ITPR3: variants seen among roughly 807,000 people sequenced by gnomAD.
ITPR3 encodes inositol 1,4,5-trisphosphate receptor type 3.
Under a neutral mutation model 293.2 loss-of-function variants are expected in ITPR3, and 173 were observed. The ratio of observed to expected loss-of-function variants is 0.59; its 90% confidence interval spans 0.52 to 0.67. ITPR3 has a LOEUF of 0.67. ITPR3 is among the 30% of genes least tolerant of loss of function. The probability of loss-of-function intolerance (pLI) is 0.00; values close to 1 mark genes in which losing one functional copy is unlikely to be tolerated. For synonymous variants in ITPR3, 1,295 were observed against 1,444.4 expected (o/e 0.90, Z 2.35); for missense variants, 2,796 against 3,592.1 (o/e 0.78, Z 5.66).
Position 33,676,825 on chromosome 6 carries a change from C to T in ITPR3, c.3340C>T (p.Leu1114=), listed in dbSNP as rs1340362262. The part of the protein sequence containing the change: ...VENYKVIKSE[L]DRLRTMVEKS... ...GAACTACAAGGTGATCAAGTCGGAGCTGGACCGGCTGCGGACCATGGTGGA... is the reference window on the plus strand; with the variant it reads ...GAACTACAAGGTGATCAAGTCGGAGTTGGACCGGCTGCGGACCATGGTGGA... Residue 1114 remains leucine, a synonymous_variant, in exon 26 of 58, where the codon CTG becomes TTG. Transcript: ENST00000605930. 2 of 1,614,060 alleles carry T rather than the reference C, an allele frequency of 1.2e-6. No homozygotes were observed. The highest frequency in any genetic ancestry group is 1.3e-5 in the African/African-American group (1 of 74,938).
chr6:33,686,130 C>G lies in ITPR3; in HGVS notation c.5745C>G (p.Cys1915Trp), dbSNP rs529160686. 1 of 1,614,170 alleles carries G rather than the reference C, an allele frequency of 6.2e-7. No homozygotes were observed. Among genetic ancestry groups the G allele is most frequent in the Non-Finnish European group, 8.5e-7 (1 of 1,180,038 alleles). The stretch of plus-strand genomic sequence containing the variant: ...CGCTGCAGTTCCTGGACATCATGTG[C>G]GGCAGCACCACGGGCGGCCTGGGGC... ...CETLQFLDIM[C>W]GSTTGGLGLL... The change falls in exon 42 of 58, where the codon TGC becomes TGG. Residue 1915 changes from cysteine to tryptophan, a missense_variant. By Grantham distance (215) the Cys-to-Trp change is radical. Coordinates refer to ENST00000605930, the MANE Select transcript of ITPR3 (RefSeq NM_002224.4).
intron 2 of ITPR3, among the ~76,000 whole-genome samples, chr6:33,651,783 C>T (rs1408139990): frequency 6.6e-6 from 1 of 152,182 alleles, no homozygotes; most frequent in Non-Finnish European, 1.5e-5. Context: ...TAGTTGCTTT[C>T]TGTCACCATA....
Position 33,688,510 on chromosome 6 carries a change from C to T in ITPR3, c.6568+79C>T, listed in dbSNP as rs1739685079. 4 of 1,498,096 alleles carry T rather than the reference C, an allele frequency of 2.7e-6. No homozygotes were observed. The African/African-American group carries it at 4.1e-5, about 15-fold the overall frequency. 92.8% of individuals were successfully genotyped at this position (1,498,096 alleles called of 1,614,324 possible). A position where few individuals can be genotyped will look rare whatever the true frequency, so the allele number is the denominator to read the frequency against. On this transcript the variant is annotated intron_variant, in intron 48 of 57. Transcript: ENST00000605930. Reference sequence around the variant, plus strand: ...CTGTTATAACGGCCTCCTTTGCCTGCCTGTGGGTGCCCTGCGCCCAACCCC... The same window carrying T: ...CTGTTATAACGGCCTCCTTTGCCTGTCTGTGGGTGCCCTGCGCCCAACCCC...
rs1764869997 is a variant in ITPR3 at position 33,675,076 on chromosome 6, C to G, written c.3117-615C>G. Among the ~76,000 whole-genome samples the G allele has an allele frequency of 6.6e-6, 1 of 152,144 alleles. No individual in the cohort carries two copies. Among genetic ancestry groups the G allele is most frequent in the African/African-American group, 2.4e-5 (1 of 41,422 alleles). ...TTTTCTCCATCTCTGTTCATGGGCC[C>G]CGCTTCTATCCATGAATCCCCCGCA... On this transcript the variant is annotated intron_variant, in intron 24 of 57. Coordinates refer to ENST00000605930, the MANE Select transcript of ITPR3 (RefSeq NM_002224.4). The surrounding 1 kb of genome is among the most constrained non-coding windows in gnomAD (Gnocchi z 5.0).
At position 33,684,463 on chromosome 6, in the gene ITPR3, C is replaced by T. The variant is rs748669362; in HGVS notation, c.5044C>T (p.Arg1682Trp). 6 of 1,613,624 alleles carry T rather than the reference C, an allele frequency of 3.7e-6. No homozygotes were observed. The highest frequency in any genetic ancestry group is 1.1e-5 in the South Asian group (1 of 91,054). ...MLLKKTKYGD[R>W]GNQLRKMLLQ... ...GCTCAAGAAGACCAAGTACGGGGAC[C>T]GGGTGAGTGCCCTGGTGGGGCAAGT... The change falls in exon 37 of 58, where the codon CGG (arginine) becomes TGG (tryptophan). Residue 1682 changes from arginine to tryptophan, a missense_variant and splice_region_variant. By Grantham distance (101) the Arg-to-Trp change is moderately radical. This residue lies in a region of ITPR3 where 704 missense variants were observed against 797.5 expected (regional missense o/e 0.88). Transcript: ENST00000605930. The surrounding 1 kb of genome is among the most constrained non-coding windows in gnomAD (Gnocchi z 4.2).
In ITPR3 at chr6:33,694,957, G is replaced by T. The variant is rs1221371550; in HGVS notation, c.7819G>T (p.Ala2607Ser). The change falls in exon 57 of 58, where the codon GCC (alanine) becomes TCC (serine). Residue 2607 changes from alanine to serine, a missense_variant. This residue lies in a region of ITPR3 where 568 missense variants were observed against 796.1 expected (regional missense o/e 0.71). Transcript: ENST00000605930. ...KNLDWFPRMR[A>S]MSLVSNEGEG... is the part of the protein sequence containing the mutation. ...CCTGGACTGGTTCCCCCGGATGCGG[G>T]CCATGTCCCTTGTCAGCAATGAGGG... The T allele has an allele frequency of 6.2e-7, 1 of 1,614,158 alleles. No homozygotes were observed. Among genetic ancestry groups the T allele is most frequent in the Non-Finnish European group, 8.5e-7 (1 of 1,180,042 alleles).
At chr6:33,636,209 G>C (rs1473828628) in intron 1 of ITPR3, among the ~76,000 whole-genome samples, 1 of 151,766 alleles carries the variant, frequency 6.6e-6, no homozygotes, top group Non-Finnish European at 1.5e-5. Context: ...GGCTGAGGCA[G>C]GAGAATTGCT....
chr6:33,684,950 G>T lies in ITPR3; in HGVS notation c.5307+7G>T. The T allele has an allele frequency of 6.3e-7, 1 of 1,599,292 alleles. No homozygotes were observed. Among genetic ancestry groups the T allele is most frequent in the African/African-American group, 1.3e-5 (1 of 74,890 alleles). ...TGGCAACACAGAGATCCAGGTGTGG[G>T]GGGCCTGGGGCCTGGACATGCCCTC... On this transcript the variant is annotated splice_region_variant and intron_variant, in intron 39 of 57. Transcript: ENST00000605930. The surrounding 1 kb of genome is among the most constrained non-coding windows in gnomAD (Gnocchi z 4.2).
At position 33,658,965 on chromosome 6, in the gene ITPR3, G is replaced by C; in HGVS notation, c.529-56G>C. The C allele has an allele frequency of 6.2e-7, 1 of 1,602,376 alleles. No homozygotes were observed. Among genetic ancestry groups the C allele is most frequent in the Non-Finnish European group, 8.5e-7 (1 of 1,169,806 alleles). The stretch of plus-strand genomic sequence containing the variant: ...TGAGACCAAAGGGAGGCCTGGAGGC[G>C]TGGTGACAAGAGGGCCCTGCCCTTC... On this transcript the variant is annotated intron_variant, in intron 5 of 57. Coordinates refer to ENST00000605930, the MANE Select transcript of ITPR3 (RefSeq NM_002224.4). This position sits in a 1 kb window ranked among gnomAD's most constrained non-coding sequence, Gnocchi z 6.1.
chr6:33,650,481 A>G (rs1367536216), intron 2 of ITPR3, among the ~76,000 whole-genome samples: 1 of 152,184 alleles, frequency 6.6e-6, no homozygotes, highest in Non-Finnish European at 1.5e-5. Context: ...TCTCCCGGGG[A>G]TGCTTCAGGG....
chr6:33,668,356 T>C (rs981231520), intron 16 of ITPR3, among the ~76,000 whole-genome samples, 159 bp from the exon 17 acceptor site: 1 of 152,090 alleles, frequency 6.6e-6, no homozygotes, highest in African/African-American at 2.4e-5. Context: ...TTTCCCTCCT[T>C]GGGGAGCTGG....
intron 33 of ITPR3, among the ~76,000 whole-genome samples, chr6:33,681,490 A>C (rs1298442713): frequency 6.6e-6 from 1 of 152,240 alleles, no homozygotes; most frequent in Admixed American, 6.5e-5. Context: ...GAATCTCGAA[A>C]GATTCATGGC....
chr6:33,629,919 C>T (rs11754012), intron 1 of ITPR3, among the ~76,000 whole-genome samples: 15,172 of 151,946 alleles, frequency 0.1, 930 homozygotes, highest in Non-Finnish European at 0.14. Context: ...GGTGAAACTC[C>T]GTCTCTACTA....
intron 24 of ITPR3, among the ~76,000 whole-genome samples, chr6:33,674,743 A>C (rs150758318): frequency 2.3e-3 from 343 of 152,370 alleles, no homozygotes; most frequent in Middle Eastern, 6.8e-3. Flanking sequence ...AGCACATAAC[A>C]AGACAAAGGG....
chr6:33,661,992 G>GAAAAAAAGAAAA, intron 7 of ITPR3, among the ~76,000 whole-genome samples: 1 of 47,186 alleles, frequency 2.1e-5, no homozygotes, highest in Non-Finnish European at 4.1e-5. Context: ...GACTGTCTCT[G>GAAAAAAAGAAAA]AAAAAAAAAA....
rs1764555980 is a variant in ITPR3 at position 33,664,371 on chromosome 6, T to C, written c.1148+491T>C. Among the ~76,000 whole-genome samples, 1 of 152,196 alleles carries C rather than the reference T, an allele frequency of 6.6e-6. No individual in the cohort carries two copies. Among genetic ancestry groups the C allele is most frequent in the Non-Finnish European group, 1.5e-5 (1 of 68,026 alleles). ...TCAACAGGGCTAATGGGAGAGTTAA[T>C]TGAGTCACTACATAGGCCCACAGTC... On this transcript the variant is annotated intron_variant, in intron 11 of 57. Transcript: ENST00000605930. The surrounding 1 kb of genome is among the most constrained non-coding windows in gnomAD (Gnocchi z 4.4).
chr6:33,634,950 G>A (rs1582102814), intron 1 of ITPR3, among the ~76,000 whole-genome samples: 1 of 152,094 alleles, frequency 6.6e-6, no homozygotes, highest in South Asian at 2.1e-4. Context: ...ACAAGGCCCT[G>A]TGTACCGGTC....
intron 2 of ITPR3, among the ~76,000 whole-genome samples, chr6:33,644,349 C>T (rs910718669): frequency 3.3e-5 from 5 of 151,446 alleles, no homozygotes; most frequent in Non-Finnish European, 7.4e-5. Context: ...TCTGGAACTC[C>T]TGACCTCAGG....
chr6:33,646,572 TTCTC>T (rs1422955822), intron 2 of ITPR3, among the ~76,000 whole-genome samples: 2 of 152,140 alleles, frequency 1.3e-5, no homozygotes, highest in Non-Finnish European at 2.9e-5. Context: ...CTGGAGATCT[TTCTC>T]TCTGAATATG....
Sources: allele counts gnomAD v4.1 joint callset (sites outside exome capture counted in the v4.1 genomes callset), GRCh38; gene constraint gnomAD v4.1.1; regional missense constraint gnomAD v4.1.1; non-coding constraint Gnocchi (gnomAD v3.1); transcripts MANE v1.5; gene names NCBI Gene and HGNC (gene_info 2026-07-23, HGNC 2026-07-21).